Variants in FHIT observed in about 807,000 individuals in gnomAD.
FHIT encodes the protein fragile histidine triad diadenosine triphosphatase.
Under a neutral mutation model 17.9 loss-of-function variants are expected in FHIT, and 19 were observed. That is an observed-to-expected ratio of 1.06 (90% CI 0.74 to 1.56). The LOEUF (loss-of-function observed/expected upper bound fraction) is 1.56, where lower values mean the gene tolerates loss of function less well. Among genes scored for constraint, FHIT ranks in the 40% most tolerant of loss-of-function variants. The pLI, the probability that FHIT is intolerant of heterozygous loss-of-function variation, is 0.00. For synonymous variants in FHIT, 81 were observed against 69.7 expected (o/e 1.16, Z -0.81); for missense variants, 248 against 189.2 (o/e 1.31, Z -1.82).
chr3:60,532,820 T>C (rs1156989942), intron 5 of FHIT, among the ~76,000 whole-genome samples: 1 of 152,110 alleles, frequency 6.6e-6, no homozygotes, highest in African/African-American at 2.4e-5. Context: ...CTGAAAGCTA[T>C]GAAAAAGTCA....
At chr3:60,771,873 C>T (rs925330673) in intron 4 of FHIT, among the ~76,000 whole-genome samples, 3 of 152,180 alleles carry the variant, frequency 2.0e-5, no homozygotes, top group South Asian at 2.1e-4. Flanking sequence ...AATTCACATT[C>T]TCTTCTTCAA....
At chr3:59,773,728 T>C (rs1228456438) in intron 8 of FHIT, among the ~76,000 whole-genome samples, 1 of 152,074 alleles carries the variant, frequency 6.6e-6, no homozygotes, top group African/African-American at 2.4e-5. Flanking sequence ...CAGACCAACA[T>C]CACCTGGCGG....
chr3:59,944,001 A>C (rs965703886), intron 7 of FHIT, among the ~76,000 whole-genome samples: 6 of 152,158 alleles, frequency 3.9e-5, no homozygotes, highest in Non-Finnish European at 8.8e-5. Flanking sequence ...ACATAAAATA[A>C]ATCTTTAATA....
At chr3:61,186,819 A>G (rs1419766225) in intron 2 of FHIT, among the ~76,000 whole-genome samples, 1 of 152,114 alleles carries the variant, frequency 6.6e-6, no homozygotes, top group African/African-American at 2.4e-5. Flanking sequence ...CAAGATTCAG[A>G]ACTCTGAACT....
chr3:59,934,201 C>T (rs573325989), intron 7 of FHIT, among the ~76,000 whole-genome samples: 1 of 152,260 alleles, frequency 6.6e-6, no homozygotes, highest in Admixed American at 6.5e-5. Flanking sequence ...CATAAAACTG[C>T]ATGATAGATA....
chr3:60,970,740 C>T (rs574443516), intron 3 of FHIT, among the ~76,000 whole-genome samples: 1 of 152,102 alleles, frequency 6.6e-6, no homozygotes, highest in African/African-American at 2.4e-5. Context: ...AATCCACTCT[C>T]ATTCTACCTG....
At chr3:60,230,964 A>G (rs1389652408) in intron 5 of FHIT, among the ~76,000 whole-genome samples, 1 of 151,938 alleles carries the variant, frequency 6.6e-6, no homozygotes, top group Non-Finnish European at 1.5e-5. Context: ...GCCCTCCTTG[A>G]CCTCCCAAAG....
At chr3:61,161,493 C>T (rs192917573) in intron 2 of FHIT, among the ~76,000 whole-genome samples, 13 of 152,330 alleles carry the variant, frequency 8.5e-5, no homozygotes, top group South Asian at 6.2e-4. Flanking sequence ...TGAGCCACTG[C>T]ACCCAGCCAC....
chr3:60,246,069 T>C (rs1705381296), intron 5 of FHIT, among the ~76,000 whole-genome samples: 1 of 152,114 alleles, frequency 6.6e-6, no homozygotes, highest in Non-Finnish European at 1.5e-5. Flanking sequence ...TATTTTTATA[T>C]TGTTTACCCT....
chr3:60,125,664 GTA>G (rs780023192), intron 5 of FHIT, among the ~76,000 whole-genome samples: 1 of 134,630 alleles, frequency 7.4e-6, no homozygotes, highest in Non-Finnish European at 1.6e-5. Flanking sequence ...ATGTGTTTGT[GTA>G]TATATATGTG....
rs146734853 is a variant in FHIT, at chr3:60,115,018, A to G, written c.104-100866T>C. Reference sequence around the variant, plus strand: ...GGAAAATATGTTACATTGTTTTCTCATCTCATGTCAAATATTAAAATTAAT... The same window carrying G: ...GGAAAATATGTTACATTGTTTTCTCGTCTCATGTCAAATATTAAAATTAAT... On this transcript the variant is annotated intron_variant, in intron 5 of 9. Transcript: ENST00000492590. Among the ~76,000 whole-genome samples, 10 of 152,306 alleles carry G rather than the reference A, an allele frequency of 6.6e-5. No homozygotes were observed. The East Asian group carries it at 1.5e-3, about 24-fold the overall frequency.
At chr3:60,220,429 G>T (rs892131533) in intron 5 of FHIT, among the ~76,000 whole-genome samples, 7 of 151,578 alleles carry the variant, frequency 4.6e-5, no homozygotes, top group Admixed American at 3.3e-4. Flanking sequence ...ATGCCCAAGA[G>T]ATATTAATTA....
At chr3:60,575,521 G>GGAAA (rs782065708) in intron 4 of FHIT, among the ~76,000 whole-genome samples, 34 of 151,918 alleles carry the variant, frequency 2.2e-4, no homozygotes, top group Admixed American at 5.2e-4. Context: ...CAATAGCAGA[G>GGAAA]GAAACCCTTA....
chr3:60,469,193 A>T (rs1436149286), intron 5 of FHIT, among the ~76,000 whole-genome samples: 1 of 151,976 alleles, frequency 6.6e-6, no homozygotes, highest in Non-Finnish European at 1.5e-5. Flanking sequence ...TTAAATATTG[A>T]TATCTTTCTC....
chr3:60,342,959 T>C (rs1710601369), intron 5 of FHIT, among the ~76,000 whole-genome samples: 1 of 152,148 alleles, frequency 6.6e-6, no homozygotes, highest in Non-Finnish European at 1.5e-5. Context: ...AACTCAGCCA[T>C]ATTGTCTTCT....
intron 4 of FHIT, among the ~76,000 whole-genome samples, chr3:60,719,519 A>C (rs905657189): frequency 9.2e-5 from 14 of 152,114 alleles, no homozygotes; most frequent in African/African-American, 2.7e-4. Flanking sequence ...GTTCACATGC[A>C]GGCTCCACTC....
At chr3:60,190,448 A>C (rs1559713140) in intron 5 of FHIT, among the ~76,000 whole-genome samples, 2 of 152,096 alleles carry the variant, frequency 1.3e-5, no homozygotes, top group East Asian at 3.9e-4. Flanking sequence ...AGATAGTTAT[A>C]GTAAAAATTC....
At chr3:60,574,593 G>T (rs920054407) in intron 4 of FHIT, among the ~76,000 whole-genome samples, 4 of 151,958 alleles carry the variant, frequency 2.6e-5, no homozygotes, top group African/African-American at 9.7e-5. Flanking sequence ...CCCAGGCTGG[G>T]AATGGCTGCA....
chr3:60,534,439 CA>C (rs563992117), intron 5 of FHIT, among the ~76,000 whole-genome samples: 6,647 of 32,020 alleles, frequency 0.21, 107 homozygotes, highest in Middle Eastern at 0.38. Context: ...GACTCCGTCT[CA>C]AAAAAAAAAA....
Sources: gnomAD v4.1 joint callset for allele counts (sites outside exome capture counted in the v4.1 genomes callset) on GRCh38, gnomAD v4.1.1 for gene constraint, MANE v1.5 for transcripts, NCBI Gene and HGNC (gene_info 2026-07-23, HGNC 2026-07-21) for gene names.